Variants in TMC7 observed in about 807,000 individuals in gnomAD.
The protein encoded by TMC7 is transmembrane channel like 7.
TMC7 carries 54 observed loss-of-function variants against 82.9 expected under a neutral mutation model. That is an observed-to-expected ratio of 0.65 (90% confidence interval 0.52 to 0.82). The LOEUF (loss-of-function observed/expected upper bound fraction) is 0.82, where lower values mean the gene tolerates loss of function less well. Ranked by LOEUF, TMC7 falls within the 40% of genes least tolerant of loss-of-function variation. The probability of loss-of-function intolerance (pLI) is 0.00; values close to 1 mark genes in which losing one functional copy is unlikely to be tolerated. For synonymous variants in TMC7, 350 were observed against 337.9 expected, an observed-to-expected ratio of 1.04 and a Z score of -0.39; for missense variants, 820 against 901.2, an observed-to-expected ratio of 0.91 and a Z score of 1.15.
chr16:19,026,373 A>G (rs1439479803), intron 5 of TMC7, among the ~76,000 whole-genome samples: 1 of 151,318 alleles, frequency 6.6e-6, no homozygotes, highest in Non-Finnish European at 1.5e-5. Context: ...GCTACTTGGG[A>G]GGCTGAGGCA....
chr16:18,984,848 G>T (rs1042022697), intron 1 of TMC7, among the ~76,000 whole-genome samples: 1 of 152,222 alleles, frequency 6.6e-6, no homozygotes, highest in East Asian at 1.9e-4. Flanking sequence ...CACTCAGGCA[G>T]GGTTCCTTGT....
Position 19,016,439 on chromosome 16 carries a change from T to TTTC in TMC7, c.312-10_312-8dup, listed in dbSNP as rs1959696573. The stretch of plus-strand genomic sequence containing the variant: ...GTTGTTGTCATTGTCATGATCATGT[T>TTTC]TTCCATGCAGGGACATTCAAGAGAC... On this transcript the variant is annotated splice_polypyrimidine_tract_variant and intron_variant, in intron 2 of 15. Coordinates refer to ENST00000304381, the MANE Select transcript of TMC7 (RefSeq NM_024847.4). 8 of 1,613,874 alleles carry TTTC rather than the reference T, an allele frequency of 5.0e-6. No individual in the cohort carries two copies. The Admixed American group carries it at 6.7e-5, about 13-fold the overall frequency.
Position 19,045,379 on chromosome 16 carries a change from G to A in TMC7, c.1494G>A (p.Leu498=). 6.2e-7 allele frequency: 1 copy of A among 1,614,028 alleles called. No individual in the cohort carries two copies. Among genetic ancestry groups the A allele is most frequent in the Non-Finnish European group, 8.5e-7 (1 of 1,180,008 alleles). ...ETQVGQEMYK[L]MIFDFIIILA... is the part of the protein sequence containing the mutation. ...AAGTTGGGCAGGAAATGTACAAGCT[G>A]ATGATCTTCGACTTCATCATCATCT... The change falls in exon 11 of 16, where the codon CTG becomes CTA. Residue 498 remains leucine, a synonymous_variant. Coordinates refer to ENST00000304381, the MANE Select transcript of TMC7 (RefSeq NM_024847.4).
chr16:19,017,668 T>G (rs1022493548), intron 3 of TMC7, among the ~76,000 whole-genome samples: 1 of 4,006 alleles, frequency 2.5e-4, no homozygotes, highest in Non-Finnish European at 2.3e-3. Flanking sequence ...CAAAAAACAG[T>G]TTTTTTTTTT....
intron 1 of TMC7, among the ~76,000 whole-genome samples, chr16:19,000,316 A>G (rs1359499925): frequency 6.6e-6 from 1 of 151,922 alleles, no homozygotes; most frequent in Non-Finnish European, 1.5e-5. Flanking sequence ...AAATACAAAA[A>G]ATTAGCCGGG....
intron 5 of TMC7, among the ~76,000 whole-genome samples, chr16:19,028,792 AC>A (rs1407199093): frequency 4.6e-5 from 7 of 151,600 alleles, no homozygotes; most frequent in Non-Finnish European, 8.8e-5. Flanking sequence ...AGTAGATGGG[AC>A]TACAGGCACA....
At chr16:19,011,574 G>T (rs1439138484) in intron 2 of TMC7, among the ~76,000 whole-genome samples, 2 of 151,334 alleles carry the variant, frequency 1.3e-5, no homozygotes, top group Admixed American at 1.3e-4. Flanking sequence ...AAAATTAGCT[G>T]GGTGTGGTGA....
chr16:19,051,119 A>G (rs567209238), intron 12 of TMC7, among the ~76,000 whole-genome samples: 2 of 152,192 alleles, frequency 1.3e-5, no homozygotes, highest in Admixed American at 6.5e-5. Flanking sequence ...CTGTAGCGTT[A>G]AACATCCACA....
chr16:19,003,835 A>G (rs994606853), intron 1 of TMC7, among the ~76,000 whole-genome samples: 2 of 98,438 alleles, frequency 2.0e-5, no homozygotes, highest in African/African-American at 4.1e-5. Context: ...TGAAGGCAGC[A>G]TGCTCGTTAA....
At chr16:18,994,754 G>A (rs11859885) in intron 1 of TMC7, among the ~76,000 whole-genome samples, 25,141 of 152,100 alleles carry the variant, frequency 0.17, 4,231 homozygotes, top group African/African-American at 0.43. Flanking sequence ...TGTAAGACTT[G>A]TCCAGTTTTT....
chr16:19,015,995 A>G (rs1483485385), intron 2 of TMC7, among the ~76,000 whole-genome samples: 2 of 152,178 alleles, frequency 1.3e-5, no homozygotes, highest in Admixed American at 6.5e-5. Flanking sequence ...ACTTTTTTCC[A>G]TAGCGGCGGC....
chr16:18,992,629 C>T (rs966957442), intron 1 of TMC7, among the ~76,000 whole-genome samples: 4 of 152,102 alleles, frequency 2.6e-5, no homozygotes, highest in African/African-American at 4.8e-5. Context: ...ATTTTGGCTT[C>T]TGTTGCCATT....
rs372432162 is a variant in TMC7, at chr16:19,016,465, A to C, written c.327A>C (p.Thr109=). The C allele has an allele frequency of 5.6e-6, 9 of 1,614,074 alleles. No homozygotes were observed. The highest frequency in any genetic ancestry group is 4.0e-5 in the African/African-American group (3 of 74,946). The change falls in exon 3 of 16, where the codon ACA becomes ACC. Residue 109 remains threonine, a synonymous_variant. Transcript: ENST00000304381. The part of the protein sequence containing the change: ...EKRRLRDIQE[T]QMKYLSEWDQ... ...TTCCATGCAGGGACATTCAAGAGACACAAATGAAGTATCTCTCCGAATGGG... is the reference window on the plus strand; with the variant it reads ...TTCCATGCAGGGACATTCAAGAGACCCAAATGAAGTATCTCTCCGAATGGG...
intron 9 of TMC7, among the ~76,000 whole-genome samples, chr16:19,041,752 A>T (rs563249167): frequency 8.7e-4 from 132 of 152,298 alleles, no homozygotes; most frequent in African/African-American, 3.1e-3. Flanking sequence ...CGGTCTCCCC[A>T]GTGGGGTTGC....
At chr16:19,033,536 TA>T (rs1273120307) in intron 6 of TMC7, 1 of 152,034 alleles carries the variant, frequency 6.6e-6, no homozygotes, top group Non-Finnish European at 1.5e-5. Context: ...TACAAATAAT[TA>T]GCTAGGTGTG....
intron 8 of TMC7, among the ~76,000 whole-genome samples, chr16:19,039,245 C>T (rs1174221607): frequency 1.3e-5 from 2 of 152,070 alleles, no homozygotes; most frequent in Non-Finnish European, 2.9e-5. Flanking sequence ...CACCCGCCAA[C>T]ACACCTGGCT....
intron 1 of TMC7, among the ~76,000 whole-genome samples, chr16:19,004,539 A>G (rs1054289717): frequency 6.6e-6 from 1 of 151,930 alleles, no homozygotes; most frequent in Non-Finnish European, 1.5e-5. Flanking sequence ...TGATTTTTCT[A>G]GTTTTAATAG....
intron 1 of TMC7, among the ~76,000 whole-genome samples, chr16:19,004,011 C>A (rs2039188372): frequency 1.0e-5 from 1 of 99,178 alleles, no homozygotes; most frequent in African/African-American, 3.8e-5. Context: ...CTGTGAGAAA[C>A]ACCCAAGAAT....
chr16:19,029,364 G>A (rs901687154), intron 5 of TMC7, among the ~76,000 whole-genome samples: 1 of 151,890 alleles, frequency 6.6e-6, no homozygotes, highest in Non-Finnish European at 1.5e-5. Flanking sequence ...TCGATGCTAT[G>A]GCACATGGAA....
Sources: gnomAD v4.1 joint callset for allele counts (sites outside exome capture counted in the v4.1 genomes callset) on GRCh38, gnomAD v4.1.1 for gene constraint, MANE v1.5 for transcripts, NCBI Gene and HGNC (gene_info 2026-07-23, HGNC 2026-07-21) for gene names.